DCTN2: variants seen among roughly 807,000 people sequenced by gnomAD.
DCTN2 encodes the protein dynactin subunit 2.
DCTN2 carries 18 observed loss-of-function variants against 55.4 expected under a neutral mutation model. That is an observed-to-expected ratio of 0.32 (90% CI 0.22 to 0.48). DCTN2 has a LOEUF of 0.48. DCTN2 is among the 20% of genes least tolerant of loss of function. The pLI is 0.99. For synonymous variants in DCTN2, 168 were observed against 185.2 expected (o/e 0.91, Z 0.76); for missense variants, 390 against 491.0 (o/e 0.79, Z 1.94).
At position 57,546,110 on chromosome 12, in the gene DCTN2, C is replaced by T. The variant is rs1475507549; in HGVS notation, c.37-14G>A. On this transcript the variant is annotated splice_polypyrimidine_tract_variant and intron_variant, in intron 1 of 13. Transcript: ENST00000548249. ...CTCATTCCTGGCCTGCAGGTAGAAG[C>T]AGTGACCACCCAACCTCACTACCCA... 6.2e-7 allele frequency: 1 copy of T among 1,613,500 alleles called. No individual in the cohort carries two copies. The highest frequency in any genetic ancestry group is 1.3e-5 in the African/African-American group (1 of 74,912).
intron 3 of DCTN2, 28 bp downstream of exon 3, chr12:57,535,721 C>T: frequency 6.3e-7 from 1 of 1,595,230 alleles, no homozygotes; most frequent in Non-Finnish European, 8.6e-7. Context: ...CCAGTCTTCC[C>T]CCCACCCAGC....
chr12:57,547,081 C>T lies in DCTN2; in HGVS notation c.-18G>A, dbSNP rs1881238414. 1 of 1,264,618 alleles carries T rather than the reference C, an allele frequency of 7.9e-7. No homozygotes were observed. The highest frequency in any genetic ancestry group is 1.5e-5 in the African/African-American group (1 of 64,826). 78.3% of individuals were successfully genotyped at this position (1,264,618 alleles called of 1,614,324 possible). Reference sequence around the variant, plus strand: ...TCCGCCATGGCGGCGGCGAGACGGGCTGGGGGACCCGGGCCTCGGTGGAGC... The same window carrying T: ...TCCGCCATGGCGGCGGCGAGACGGGTTGGGGGACCCGGGCCTCGGTGGAGC... On this transcript the variant is annotated 5_prime_UTR_variant, in exon 1 of 14. Transcript: ENST00000548249.
intron 2 of DCTN2, among the ~76,000 whole-genome samples, chr12:57,543,415 G>GC (rs1304150528): frequency 1.3e-5 from 2 of 151,826 alleles, no homozygotes; most frequent in African/African-American, 4.8e-5. Context: ...CAGGTCATGT[G>GC]CACTGTCACT....
chr12:57,542,860 C>A (rs935196519), intron 2 of DCTN2: 1 of 455,838 alleles, frequency 2.2e-6, no homozygotes, highest in Non-Finnish European at 4.4e-6. Context: ...AAAGGTTCCA[C>A]AAGAGTCTAT....
intron 2 of DCTN2, chr12:57,540,118 G>C (rs1880578104): frequency 2.3e-5 from 23 of 985,192 alleles, no homozygotes; most frequent in Admixed American, 6.2e-5. Flanking sequence ...GTCGAGGCTG[G>C]GATGTCTCTG....
intron 2 of DCTN2, chr12:57,538,578 G>C (rs889873454): frequency 6.8e-6 from 5 of 739,414 alleles, no homozygotes; most frequent in Non-Finnish European, 1.2e-5. Context: ...GAAAGGGAGT[G>C]GGGGAATGGG....
chr12:57,543,988 T>C (rs1363275510), intron 2 of DCTN2: 2 of 445,098 alleles, frequency 4.5e-6, no homozygotes, highest in African/African-American at 2.0e-5. Context: ...TATTAAGAGA[T>C]ATCCCAGTAT....
intron 2 of DCTN2, chr12:57,538,381 T>C (rs750896255): frequency 5.3e-5 from 36 of 679,502 alleles, no homozygotes; most frequent in Middle Eastern, 4.7e-4. Flanking sequence ...ATAATTACAG[T>C]GACTTGTGAG....
At position 57,535,804 on chromosome 12, in the gene DCTN2, A is replaced by G. The variant is rs751138061; in HGVS notation, c.147T>C (p.Asn49=). ...TSTSVEHIIV[N]PNAAYDKFKD... ...TGAACTTGTCATAGGCAGCATTAGG[A>G]TTGACAATGATGTGTTCCACACTTG... The change falls in exon 3 of 14, where the codon AAT becomes AAC. Residue 49 remains asparagine (N), a synonymous_variant. Coordinates refer to ENST00000548249, the MANE Select transcript of DCTN2 (RefSeq NM_001261413.2). The G allele has an allele frequency of 1.2e-6, 2 of 1,613,898 alleles. No individual in the cohort carries two copies. Among genetic ancestry groups the G allele is most frequent in the East Asian group, 4.5e-5 (2 of 44,882 alleles).
Position 57,533,271 on chromosome 12 carries a change from C to T in DCTN2, c.702G>A (p.Leu234=), listed in dbSNP as rs753382974. The T allele has an allele frequency of 1.2e-6, 2 of 1,613,866 alleles. No homozygotes were observed. Among genetic ancestry groups the T allele is most frequent in the Admixed American group, 1.7e-5 (1 of 60,004 alleles). Residue 234 remains leucine (L), a synonymous_variant, in exon 8 of 14, where the codon CTG becomes CTA. Coordinates refer to ENST00000548249, the MANE Select transcript of DCTN2 (RefSeq NM_001261413.2). The part of the protein sequence containing the change: ...VAELEKRLTE[L]ETAVRCDQDA... ...CCTGATCACAACGTACAGCTGTCTC[C>T]AGCTCTGTCAGGCGCTTTTCAAGTT... is the stretch of plus-strand genomic sequence containing the variant.
chr12:57,540,110 C>T (rs1264745174), intron 2 of DCTN2: 3 of 985,066 alleles, frequency 3.0e-6, no homozygotes, highest in Non-Finnish European at 3.6e-6. Flanking sequence ...ATCCTGTGGT[C>T]GAGGCTGGGA....
At chr12:57,538,545 G>A (rs371982770) in intron 2 of DCTN2, 1 of 755,768 alleles carries the variant, frequency 1.3e-6, no homozygotes, top group South Asian at 1.4e-5. Flanking sequence ...CCCCAGAGGT[G>A]AGAAAATCAA....
chr12:57,542,945 C>G lies in DCTN2; in HGVS notation c.105+3083G>C, dbSNP rs1223097257. The G allele has an allele frequency of 6.6e-6, 3 of 455,914 alleles. No homozygotes were observed. In the Admixed American group the frequency reaches 7.1e-5, roughly 11 times the overall value. 28.2% of individuals were successfully genotyped at this position (455,914 alleles called of 1,614,324 possible). On this transcript the variant is annotated intron_variant, in intron 2 of 13. Transcript: ENST00000548249. ...TGGGAGGCAGATTTTTCACTACTTA[C>G]CCTTGAATCCTCTGTTCCCTGTGCA...
At chr12:57,532,407 C>T in intron 11 of DCTN2, 92 bp from the exon 12 acceptor site, 1 of 1,368,426 alleles carries the variant, frequency 7.3e-7, no homozygotes, top group Non-Finnish European at 1.0e-6. Flanking sequence ...GGGAAAGGAT[C>T]AAGTGGGCAG....
In DCTN2 at chr12:57,532,715, T is replaced by A; in HGVS notation, c.852+18A>T. ...AGTCCCAAGCTATCCATAATTTAAT[T>A]TTCCCTCCATTTAATACCTGTAGCC... On this transcript the variant is annotated intron_variant, in intron 10 of 13. Coordinates refer to ENST00000548249, the MANE Select transcript of DCTN2 (RefSeq NM_001261413.2). The A allele has an allele frequency of 6.2e-7, 1 of 1,613,876 alleles. No individual in the cohort carries two copies. Among genetic ancestry groups the A allele is most frequent in the Non-Finnish European group, 8.5e-7 (1 of 1,179,868 alleles).
Position 57,535,515 on chromosome 12 carries a change from C to T in DCTN2, c.233G>A (p.Arg78Lys), listed in dbSNP as rs1302980872. 1 of 1,614,026 alleles carries T rather than the reference C, an allele frequency of 6.2e-7. No homozygotes were observed. Among genetic ancestry groups the T allele is most frequent in the South Asian group, 1.1e-5 (1 of 91,084 alleles). The change falls in exon 4 of 14, where the codon AGG (arginine) becomes AAG (lysine). Residue 78 changes from arginine to lysine, a missense_variant. Physicochemically the swap from Arg to Lys is conservative, Grantham distance 26 (BLOSUM62 2). This residue lies in a region of DCTN2 where 117 missense variants were observed against 187.8 expected (regional missense o/e 0.62). Coordinates refer to ENST00000548249, the MANE Select transcript of DCTN2 (RefSeq NM_001261413.2). ...DFSDRIGKTK[R>K]TGYESGEYEM... ...ATATTCTCCAGATTCATATCCTGTCCTCTTGGTTTTTCCAATACGATCTGA... is the reference window on the plus strand; with the variant it reads ...ATATTCTCCAGATTCATATCCTGTCTTCTTGGTTTTTCCAATACGATCTGA...
At chr12:57,542,236 A>G (rs1464315981) in intron 2 of DCTN2, among the ~76,000 whole-genome samples, 1 of 151,934 alleles carries the variant, frequency 6.6e-6, no homozygotes, top group African/African-American at 2.4e-5. Flanking sequence ...AGATCACGCC[A>G]TTGCACTCCA....
At chr12:57,533,105 G>A (rs911776493) in intron 8 of DCTN2, 83 bp from the exon 9 acceptor site, 7 of 1,557,062 alleles carry the variant, frequency 4.5e-6, no homozygotes, top group Non-Finnish European at 6.1e-6. Context: ...GGTTCTAGCT[G>A]GGAACCCACT....
At position 57,532,824 on chromosome 12, in the gene DCTN2, T is replaced by TTGGGACAAGCATC; in HGVS notation, c.775-27_775-15dup. ...CTCTACAGTCTCCTGGGGATGGAAG[T>TTGGGACAAGCATC]TGGGACAAGCATCATGAAGAGGAAA... On this transcript the variant is annotated splice_polypyrimidine_tract_variant and intron_variant, in intron 9 of 13. Transcript: ENST00000548249. 6.2e-7 allele frequency: 1 copy of TTGGGACAAGCATC among 1,613,846 alleles called. No homozygotes were observed. Among genetic ancestry groups the TTGGGACAAGCATC allele is most frequent in the Non-Finnish European group, 8.5e-7 (1 of 1,179,846 alleles).
Sources: allele counts gnomAD v4.1 joint callset (sites outside exome capture counted in the v4.1 genomes callset), GRCh38; gene constraint gnomAD v4.1.1; regional missense constraint gnomAD v4.1.1; transcripts MANE v1.5; gene names NCBI Gene and HGNC (gene_info 2026-07-23, HGNC 2026-07-21).